Variants in FUT8 observed in about 807,000 individuals in gnomAD.
The protein encoded by FUT8 is fucosyltransferase 8, also known as alpha-(1,6)-fucosyltransferase.
FUT8 carries 29 observed loss-of-function variants against 71.3 expected under a neutral mutation model. The ratio of observed to expected loss-of-function variants is 0.41; its 90% CI spans 0.30 to 0.55. FUT8 has a LOEUF of 0.55. FUT8 is among the 20% of genes least tolerant of loss of function. FUT8 has a pLI of 0.34. For missense variants in FUT8, 544 were observed against 702.1 expected (o/e 0.77, Z 2.55); for synonymous variants, 254 against 239.3 (o/e 1.06, Z -0.57).
chr14:65,378,843 T>TG, the FUT8 span, among the ~76,000 whole-genome samples: 1 of 132,230 alleles, frequency 7.6e-6, no homozygotes, highest in Non-Finnish European at 1.6e-5. Context: ...GAAGGTTTTT[T>TG]TTTTTTTTTT....
the FUT8 span, among the ~76,000 whole-genome samples, chr14:65,388,240 A>G: frequency 0.13 from 20,442 of 152,144 alleles, 2,040 homozygotes; most frequent in East Asian, 0.54. Flanking sequence ...AAAAACTTGA[A>G]ATGGACAATA....
chr14:65,443,013 TATAAG>T (rs988871604), intron 1 of FUT8, among the ~76,000 whole-genome samples: 3 of 152,084 alleles, frequency 2.0e-5, no homozygotes, highest in Non-Finnish European at 4.4e-5. Context: ...ACCATACTAA[TATAAG>T]ATGTTAATAA....
intron 2 of FUT8, among the ~76,000 whole-genome samples, chr14:65,487,301 C>T (rs975427280): frequency 1.3e-5 from 2 of 152,088 alleles, no homozygotes; most frequent in Admixed American, 6.5e-5. Context: ...TGGTGGCTCA[C>T]GCCTGTAATC....
chr14:65,421,909 C>T (rs1437391487), intron 1 of FUT8, among the ~76,000 whole-genome samples: 5 of 152,020 alleles, frequency 3.3e-5, no homozygotes, highest in South Asian at 4.1e-4. Flanking sequence ...ATAACAACGA[C>T]GGCTTCTTCA....
At chr14:65,663,181 G>A (rs1363272617) in intron 6 of FUT8, among the ~76,000 whole-genome samples, 1 of 152,072 alleles carries the variant, frequency 6.6e-6, no homozygotes, top group Non-Finnish European at 1.5e-5. Flanking sequence ...ACTGACAAGA[G>A]CTATTTGGTA....
At chr14:65,478,534 G>T (rs183742733) in intron 2 of FUT8, among the ~76,000 whole-genome samples, 1 of 152,126 alleles carries the variant, frequency 6.6e-6, no homozygotes, top group East Asian at 1.9e-4. Flanking sequence ...TCCTATTTTT[G>T]TGAGAGAAAT....
chr14:65,548,773 T>C (rs1173811908), intron 2 of FUT8, among the ~76,000 whole-genome samples: 1 of 151,982 alleles, frequency 6.6e-6, no homozygotes, highest in Non-Finnish European at 1.5e-5. Context: ...CAAGATACTG[T>C]TAAAAGAATA....
In FUT8 at chr14:65,561,710, G is replaced by A. The variant is rs763242044; in HGVS notation, c.147G>A (p.Lys49=). The A allele has an allele frequency of 9.9e-6, 16 of 1,613,428 alleles. No individual in the cohort carries two copies. The African/African-American group carries it at 1.9e-4, about 19-fold the overall frequency. ...SSRELSKILA[K]LERLKQQNED... ...GAGAACTGTCCAAGATTCTGGCAAA[G>A]CTTGAACGCTTAAAACAACAGAATG... Residue 49 remains lysine, a synonymous_variant, in exon 3 of 11, where the codon AAG becomes AAA. Transcript: ENST00000673929.
At chr14:65,499,817 CAAA>C (rs201429546) in intron 2 of FUT8, among the ~76,000 whole-genome samples, 10 of 119,422 alleles carry the variant, frequency 8.4e-5, no homozygotes, top group Non-Finnish European at 9.0e-5. Context: ...GACCCTGTCT[CAAA>C]AAAAAAAAAA....
intron 3 of FUT8, among the ~76,000 whole-genome samples, chr14:65,588,714 T>C (rs1887524534): frequency 6.6e-6 from 1 of 152,126 alleles, no homozygotes; most frequent in Non-Finnish European, 1.5e-5. Context: ...AATAAGATAT[T>C]TTGAGAGAGA....
rs1885202508 is a variant in FUT8 at position 65,550,053 on chromosome 14, T to G, written c.-227-11284T>G. ...TCCAGCCTGGGTGACAGAGCGAGAC[T>G]CTGTCTAAAAACAAAACAAAACAAA... On this transcript the variant is annotated intron_variant, in intron 2 of 10. Transcript: ENST00000673929. The surrounding 1 kb of genome is among the most constrained non-coding windows in gnomAD (Gnocchi z 4.5). 6.6e-6 allele frequency among the ~76,000 whole-genome samples: 1 copy of G among 152,056 alleles called. No homozygotes were observed. Among genetic ancestry groups the G allele is most frequent in the African/African-American group, 2.4e-5 (1 of 41,398 alleles).
the FUT8 span, among the ~76,000 whole-genome samples, chr14:65,361,768 C>G: frequency 6.6e-6 from 1 of 151,912 alleles, no homozygotes; most frequent in African/African-American, 2.4e-5. Context: ...GCCTGGGCGA[C>G]AGAGCAAGAG....
At chr14:65,399,835 A>T in the FUT8 span, among the ~76,000 whole-genome samples, 1 of 152,244 alleles carries the variant, frequency 6.6e-6, no homozygotes, top group Non-Finnish European at 1.5e-5. Flanking sequence ...TTAAAACTTC[A>T]TTGGAAACCA....
rs201254839 is a variant in FUT8 at position 65,538,938 on chromosome 14, AAAAC to A, written c.-227-22393_-227-22390del. Among the ~76,000 whole-genome samples the A allele has an allele frequency of 5.7e-3, 869 of 152,188 alleles. 30 individuals are homozygous for A. In the East Asian group the frequency reaches 0.093, roughly 16 times the overall value. On this transcript the variant is annotated intron_variant, in intron 2 of 10. Transcript: ENST00000673929. ...TCTGTCTCAAAAAACAAAACAAAAC[AAAAC>A]AAACACAAAAAAAACGCTGCTTCTA... is the stretch of plus-strand genomic sequence containing the variant.
rs189598299 is a variant in FUT8, at chr14:65,650,800, C to T, written c.598-18443C>T. 1.4e-4 allele frequency among the ~76,000 whole-genome samples: 22 copies of T among 151,872 alleles called. No homozygotes were observed. The East Asian group carries it at 4.2e-3, about 29-fold the overall frequency. ...CTTATTTATTTTACTTCCTATATATCCCAGCCAAGGGTACTAGAGGCCTGC... is the reference window on the plus strand; with the variant it reads ...CTTATTTATTTTACTTCCTATATATTCCAGCCAAGGGTACTAGAGGCCTGC... On this transcript the variant is annotated intron_variant, in intron 6 of 10. Transcript: ENST00000673929.
At chr14:65,705,729 A>G (rs1894524779) in intron 7 of FUT8, among the ~76,000 whole-genome samples, 1 of 152,224 alleles carries the variant, frequency 6.6e-6, no homozygotes, top group Non-Finnish European at 1.5e-5. Context: ...AGTACAGAAC[A>G]GGGTTTTGGT....
chr14:65,522,046 CTT>C (rs1189886684), intron 2 of FUT8, among the ~76,000 whole-genome samples: 1 of 152,104 alleles, frequency 6.6e-6, no homozygotes, highest in African/African-American at 2.4e-5. Flanking sequence ...TTTTTGGTCT[CTT>C]AGTCTAACTT....
intron 3 of FUT8, among the ~76,000 whole-genome samples, chr14:65,595,757 C>T (rs1403903642): frequency 2.6e-5 from 4 of 151,864 alleles, no homozygotes; most frequent in African/African-American, 4.8e-5. Flanking sequence ...TACAGGCACC[C>T]GCCACCACCC....
At chr14:65,612,867 A>C (rs922163868) in intron 3 of FUT8, among the ~76,000 whole-genome samples, 2 of 152,326 alleles carry the variant, frequency 1.3e-5, no homozygotes, top group Admixed American at 1.3e-4. Flanking sequence ...CTTGGCTAGA[A>C]GTGGAAGTCT....
Sources: allele counts gnomAD v4.1 joint callset (sites outside exome capture counted in the v4.1 genomes callset), GRCh38; gene constraint gnomAD v4.1.1; non-coding constraint Gnocchi (gnomAD v3.1); transcripts MANE v1.5; gene names NCBI Gene and HGNC (gene_info 2026-07-23, HGNC 2026-07-21).